DRC7: variants seen among roughly 807,000 people sequenced by gnomAD.
DRC7 encodes the protein dynein regulatory complex subunit 7, also known as coiled-coil domain containing 135.
DRC7 carries 80 observed loss-of-function variants against 104.4 expected under a neutral mutation model. That is an observed-to-expected ratio of 0.77 (90% CI 0.64 to 0.92). The LOEUF is 0.92. Among genes scored for constraint, DRC7 ranks in the 40% least tolerant of loss-of-function variants. The probability of loss-of-function intolerance (pLI) is 0.00; values close to 1 mark genes in which losing one functional copy is unlikely to be tolerated. For missense variants in DRC7, 1,034 were observed against 1,141.1 expected, an observed-to-expected ratio of 0.91 and a Z score of 1.35; for synonymous variants, 405 against 447.3, an observed-to-expected ratio of 0.91 and a Z score of 1.19.
At chr16:57,698,511 A>AC (rs200388983) in intron 3 of DRC7, among the ~76,000 whole-genome samples, 7,984 of 150,120 alleles carry the variant, frequency 0.053, 304 homozygotes, top group Non-Finnish European at 0.078. Flanking sequence ...ACATAGCAAG[A>AC]CCCCCCCACC....
intron 17 of DRC7, 93 bp from the exon 18 acceptor site, chr16:57,730,838 G>C (rs2049053712): frequency 1.4e-6 from 2 of 1,382,746 alleles, no homozygotes; most frequent in Non-Finnish European, 2.0e-6. Context: ...CAACCGTCAT[G>C]GTGCTGTCTA....
chr16:57,707,231 C>T (rs913484834), intron 7 of DRC7, among the ~76,000 whole-genome samples: 3 of 152,160 alleles, frequency 2.0e-5, no homozygotes, highest in Admixed American at 6.5e-5. Flanking sequence ...CCAAAGAGTC[C>T]GATTTGTAAA....
intron 8 of DRC7, among the ~76,000 whole-genome samples, chr16:57,708,826 T>C (rs2048761357): frequency 1.3e-5 from 2 of 152,220 alleles, no homozygotes; most frequent in Admixed American, 1.3e-4. Flanking sequence ...ACTGTGGTTT[T>C]ATTTAATGCA....
Position 57,731,169 on chromosome 16 carries a change from A to G in DRC7, c.2536A>G (p.Lys846Glu). 6.2e-7 allele frequency: 1 copy of G among 1,613,872 alleles called. No homozygotes were observed. The highest frequency in any genetic ancestry group is 8.5e-7 in the Non-Finnish European group (1 of 1,179,958). Reference protein sequence around the residue: ...RILEQRLNRHKELAPLKYLAL... With the variant: ...RILEQRLNRHEELAPLKYLAL... ...TCCTTGCCTCTCTGACTTCAGACAC[A>G]AGGAACTGGCCCCACTGAAGTACCT... is the stretch of plus-strand genomic sequence containing the variant. Residue 846 changes from lysine to glutamate, a missense_variant, in exon 19 of 19, where the codon AAG (lysine) becomes GAG (glutamate). Physicochemically the swap from Lys to Glu is moderately conservative, Grantham distance 56. Transcript: ENST00000360716.
At chr16:57,695,791 A>G (rs56029110) in intron 1 of DRC7, among the ~76,000 whole-genome samples, 28,925 of 152,252 alleles carry the variant, frequency 0.19, 3,456 homozygotes, top group Non-Finnish European at 0.27. Context: ...TAAGGCACAG[A>G]AAGGCGCAGA....
chr16:57,707,771 C>A lies in DRC7; in HGVS notation c.1077+93C>A, dbSNP rs1287046679. On this transcript the variant is annotated intron_variant, in intron 8 of 18. Transcript: ENST00000360716. Reference sequence around the variant, plus strand: ...AATGGCAGCCAGACCTTGGGGAGAGCGAGACACCAGGCCACGAGGGCTTTG... The same window carrying A: ...AATGGCAGCCAGACCTTGGGGAGAGAGAGACACCAGGCCACGAGGGCTTTG... 4.3e-6 allele frequency: 5 copies of A among 1,175,180 alleles called. No homozygotes were observed. In the African/African-American group the frequency reaches 4.5e-5, roughly 11 times the overall value. The allele number at this position is 1,175,180 out of a possible 1,614,324, so 72.8% of individuals were successfully genotyped here. A position where few individuals can be genotyped will look rare whatever the true frequency, so the allele number is the denominator to read the frequency against.
intron 1 of DRC7, among the ~76,000 whole-genome samples, chr16:57,695,803 A>G (rs2048586983): frequency 6.6e-6 from 1 of 152,244 alleles, no homozygotes; most frequent in Non-Finnish European, 1.5e-5. Flanking sequence ...AGGCGCAGAC[A>G]GTGACCCAAG....
At chr16:57,721,521 G>T in intron 9 of DRC7, 146 bp from the exon 10 acceptor site, 6 of 635,562 alleles carry the variant, frequency 9.4e-6, no homozygotes, top group Non-Finnish European at 1.7e-5. Flanking sequence ...CCACATCATG[G>T]GTCGTGCTCA....
At chr16:57,730,161 A>AG (rs2049042381) in intron 17 of DRC7, among the ~76,000 whole-genome samples, 2 of 112,576 alleles carry the variant, frequency 1.8e-5, no homozygotes, top group Admixed American at 9.0e-5. Flanking sequence ...GGATGGATGG[A>AG]TGAGTAGGTG....
At chr16:57,707,315 G>A in intron 7 of DRC7, 145 bp from the exon 8 acceptor site, 4 of 668,362 alleles carry the variant, frequency 6.0e-6, no homozygotes, top group South Asian at 5.8e-5. Flanking sequence ...TGGGAGGGGA[G>A]ATGGGCCGTC....
At chr16:57,730,862 T>TTGCAGCC (rs1333706357) in intron 17 of DRC7, 69 bp from the exon 18 acceptor site, 43 of 1,551,898 alleles carry the variant, frequency 2.8e-5, no homozygotes, top group Non-Finnish European at 3.8e-5. Context: ...ACCCATGGGA[T>TTGCAGCC]TGCAGCCTGC....
chr16:57,719,796 C>T (rs1456378347), intron 9 of DRC7, among the ~76,000 whole-genome samples: 5 of 152,158 alleles, frequency 3.3e-5, no homozygotes, highest in Non-Finnish European at 5.9e-5. Context: ...GCATGAGCCA[C>T]CATGCCCAAC....
chr16:57,721,708 G>A lies in DRC7; in HGVS notation c.1248G>A (p.Ser416=), dbSNP rs374415604. The change falls in exon 10 of 19, where the codon TCG becomes TCA. Residue 416 remains serine, a synonymous_variant. Transcript: ENST00000360716. ...DEDKSFDMPH[S]WVEQIEISPE... ...ATAAGAGCTTCGACATGCCCCACTC[G>A]TGGGTGGAGCAGATTGAGATCTCCC... is the stretch of plus-strand genomic sequence containing the variant. 2.2e-5 allele frequency: 36 copies of A among 1,613,868 alleles called. No individual in the cohort carries two copies. In the South Asian group the frequency reaches 2.9e-4, roughly 13 times the overall value.
rs1567875188 is a variant in DRC7, at chr16:57,705,777, TCCA to T, written c.858+744_858+746del. On this transcript the variant is annotated intron_variant, in intron 7 of 18. Transcript: ENST00000360716. ...CTCCTCCCATCCATCCTCCCATCCATCCATCCTCCCATCCATCCATCCTCCCAT... is the reference window on the plus strand; with the variant it reads ...CTCCTCCCATCCATCCTCCCATCCATTCCTCCCATCCATCCATCCTCCCAT... Among the ~76,000 whole-genome samples, 4 of 121,450 alleles carry T rather than the reference TCCA, an allele frequency of 3.3e-5. No individual in the cohort carries two copies. The East Asian group carries it at 1.1e-3, about 32-fold the overall frequency. 79.7% of individuals were successfully genotyped at this position (121,450 alleles called of 152,430 possible). A position where few individuals can be genotyped will look rare whatever the true frequency, so the allele number is the denominator to read the frequency against.
rs561900822 is a variant in DRC7 at position 57,705,489 on chromosome 16, C to T, written c.858+455C>T. Among the ~76,000 whole-genome samples the T allele has an allele frequency of 2.0e-4, 30 of 150,202 alleles. 1 individual carries two copies. The highest frequency in any genetic ancestry group is 1.5e-3 in the Admixed American group (23 of 15,136). On this transcript the variant is annotated intron_variant, in intron 7 of 18. Transcript: ENST00000360716. Reference sequence around the variant, plus strand: ...TCCTCCCATCTGTCCATCTCCCATCCATCCATCCTCCTACCCAACCTTCCA... The same window carrying T: ...TCCTCCCATCTGTCCATCTCCCATCTATCCATCCTCCTACCCAACCTTCCA...
At chr16:57,715,857 C>T (rs2048837300) in intron 8 of DRC7, among the ~76,000 whole-genome samples, 1 of 152,160 alleles carries the variant, frequency 6.6e-6, no homozygotes, top group African/African-American at 2.4e-5. Context: ...CTCATCTCAT[C>T]CATCAGGCTC....
chr16:57,703,157 G>A (rs989639435), intron 6 of DRC7, among the ~76,000 whole-genome samples: 2 of 145,804 alleles, frequency 1.4e-5, no homozygotes, highest in East Asian at 4.0e-4. Flanking sequence ...GGGATTATAG[G>A]CCTGAGCCAC....
chr16:57,715,037 T>G (rs60560377), intron 8 of DRC7: 11,796 of 222,276 alleles, frequency 0.053, 841 homozygotes, highest in East Asian at 0.25. Context: ...TCTATATAGT[T>G]TTCCACACTT....
At chr16:57,730,855 C>A in intron 17 of DRC7, 76 bp from the exon 18 acceptor site, 1 of 1,516,024 alleles carries the variant, frequency 6.6e-7, no homozygotes, top group Non-Finnish European at 9.0e-7. Context: ...TCTAGTGACC[C>A]ATGGGATTGC....
Sources: gnomAD v4.1 joint callset for allele counts (sites outside exome capture counted in the v4.1 genomes callset) on GRCh38, gnomAD v4.1.1 for gene constraint, MANE v1.5 for transcripts, NCBI Gene and HGNC (gene_info 2026-07-23, HGNC 2026-07-21) for gene names.